Variants in SOCS4 observed in about 807,000 individuals in gnomAD.
SOCS4 encodes the protein suppressor of cytokine signaling 4.
SOCS4 carries 20 observed loss-of-function variants against 34.1 expected under a neutral mutation model. That is an observed-to-expected ratio of 0.59 (90% CI 0.41 to 0.85). SOCS4 has a LOEUF of 0.85. SOCS4 is among the 40% of genes least tolerant of loss of function. The pLI is 0.00. For missense variants in SOCS4, 479 were observed against 532.4 expected, an observed-to-expected ratio of 0.90 and a Z score of 0.99; for synonymous variants, 180 against 186.4, an observed-to-expected ratio of 0.97 and a Z score of 0.28.
In SOCS4 at chr14:55,045,945, G is replaced by A. The variant is rs534624423; in HGVS notation, c.*1581G>A. The stretch of plus-strand genomic sequence containing the variant: ...TTGCAGTTCTGTTAACATGAAAATG[G>A]CATTTTTCCATAATAGCTTTAAAAT... On this transcript the variant is annotated 3_prime_UTR_variant, in exon 3 of 3. Coordinates refer to ENST00000555846, the MANE Select transcript of SOCS4 (RefSeq NM_199421.2). The A allele has an allele frequency of 6.0e-6, 1 of 166,768 alleles. No homozygotes were observed. Among genetic ancestry groups the A allele is most frequent in the Non-Finnish European group, 1.5e-5 (1 of 67,920 alleles). 10.3% of individuals were successfully genotyped at this position (166,768 alleles called of 1,614,324 possible).
At position 55,043,295 on chromosome 14, in the gene SOCS4, G is replaced by A. The variant is rs1276283431; in HGVS notation, c.254G>A (p.Arg85Gln). 3.1e-6 allele frequency: 5 copies of A among 1,614,226 alleles called. No homozygotes were observed. Among genetic ancestry groups the A allele is most frequent in the Non-Finnish European group, 4.2e-6 (5 of 1,180,026 alleles). The change falls in exon 3 of 3, where the codon CGA (arginine) becomes CAA (glutamine). Residue 85 changes from arginine (R) to glutamine (Q), a missense_variant. Coordinates refer to ENST00000555846, the MANE Select transcript of SOCS4 (RefSeq NM_199421.2). ...ELDLDHSCGH[R>Q]FLGRSLKQKL... ...GACTTAGATCATTCCTGTGGGCATCGATTTTTAGGCCGATCTCTTAAACAG... is the reference window on the plus strand; with the variant it reads ...GACTTAGATCATTCCTGTGGGCATCAATTTTTAGGCCGATCTCTTAAACAG...
rs2042688104 is a variant in SOCS4, at chr14:55,047,593, G to T, written c.*3229G>T. ...ATTTATTGATTTGGTGATCAAACCT[G>T]TGCTATTTCCTGAATTTCAGCTAAT... On this transcript the variant is annotated 3_prime_UTR_variant, in exon 3 of 3. Coordinates refer to ENST00000555846, the MANE Select transcript of SOCS4 (RefSeq NM_199421.2). The T allele has an allele frequency of 6.0e-6, 1 of 167,054 alleles. No individual in the cohort carries two copies. 10.3% of individuals were successfully genotyped at this position (167,054 alleles called of 1,614,324 possible).
At position 55,046,477 on chromosome 14, in the gene SOCS4, T is replaced by G. The variant is rs1465177504; in HGVS notation, c.*2113T>G. 1 of 166,528 alleles carries G rather than the reference T, an allele frequency of 6.0e-6. No individual in the cohort carries two copies. Among genetic ancestry groups the G allele is most frequent in the Non-Finnish European group, 1.5e-5 (1 of 67,726 alleles). The allele number at this position is 166,528 out of a possible 1,614,324, so 10.3% of individuals were successfully genotyped here. ...AATATTCTGTTAAGGGGTAGTTTTA[T>G]AAAGAAAAATGATATATAGTTATGT... On this transcript the variant is annotated 3_prime_UTR_variant, in exon 3 of 3. Coordinates refer to ENST00000555846, the MANE Select transcript of SOCS4 (RefSeq NM_199421.2).
Position 55,044,598 on chromosome 14 carries a change from T to C in SOCS4, c.*234T>C. Reference sequence around the variant, plus strand: ...GTGTTTGGTTTTTGTTTTTACCGTGTAGGTTGTATACTTACATTTTTTCTT... The same window carrying C: ...GTGTTTGGTTTTTGTTTTTACCGTGCAGGTTGTATACTTACATTTTTTCTT... On this transcript the variant is annotated 3_prime_UTR_variant, in exon 3 of 3. Coordinates refer to ENST00000555846, the MANE Select transcript of SOCS4 (RefSeq NM_199421.2). 1 of 230,138 alleles carries C rather than the reference T, an allele frequency of 4.3e-6. No homozygotes were observed. The highest frequency in any genetic ancestry group is 9.1e-6 in the Non-Finnish European group (1 of 110,276). The allele number at this position is 230,138 out of a possible 1,614,324, so 14.3% of individuals were successfully genotyped here.
At chr14:55,042,920 A>G (rs2042632210) in intron 2 of SOCS4, 32 bp from the exon 3 acceptor site, 2 of 852,068 alleles carry the variant, frequency 2.3e-6, no homozygotes, top group Non-Finnish European at 3.5e-6. Context: ...GTAGATGACA[A>G]ATGGTTAATG....
At chr14:55,036,725 T>C (rs963687776) in intron 2 of SOCS4, among the ~76,000 whole-genome samples, 3 of 152,214 alleles carry the variant, frequency 2.0e-5, no homozygotes, top group African/African-American at 7.2e-5. Context: ...AATGCCTATA[T>C]TAATCTCTAA....
At chr14:55,039,805 A>G (rs1402922205) in intron 2 of SOCS4, among the ~76,000 whole-genome samples, 1 of 152,238 alleles carries the variant, frequency 6.6e-6, no homozygotes, top group African/African-American at 2.4e-5. Flanking sequence ...CTGAGGCAGG[A>G]GAATGGAGTG....
At position 55,044,076 on chromosome 14, in the gene SOCS4, T is replaced by C. The variant is rs142408053; in HGVS notation, c.1035T>C (p.Asp345=). 9.9e-6 allele frequency: 16 copies of C among 1,614,058 alleles called. No homozygotes were observed. Among genetic ancestry groups the C allele is most frequent in the Non-Finnish European group, 1.4e-5 (16 of 1,180,016 alleles). ...AGTGGAATCACAACTTTAGCTTTGA[T>C]GCACATGACCCCTGTGTCTTCCATT... is the stretch of plus-strand genomic sequence containing the variant. ...IEQWNHNFSF[D]AHDPCVFHSP... Residue 345 remains aspartate (D), a synonymous_variant, in exon 3 of 3, where the codon GAT becomes GAC. Transcript: ENST00000555846.
At chr14:55,039,198 T>C (rs1178292326) in intron 2 of SOCS4, among the ~76,000 whole-genome samples, 2 of 152,326 alleles carry the variant, frequency 1.3e-5, no homozygotes, top group African/African-American at 4.8e-5. Context: ...GGCTCATGCT[T>C]GTAATCCCAG....
At position 55,049,117 on chromosome 14, in the gene SOCS4, T is replaced by G. The variant is rs1272808573; in HGVS notation, c.*4753T>G. Reference sequence around the variant, plus strand: ...TGTTTGCTTAACTTATTTTAAAAGTTGATTACGTTTTCAGAAAATAAAGAT... The same window carrying G: ...TGTTTGCTTAACTTATTTTAAAAGTGGATTACGTTTTCAGAAAATAAAGAT... On this transcript the variant is annotated 3_prime_UTR_variant, in exon 3 of 3. Coordinates refer to ENST00000555846, the MANE Select transcript of SOCS4 (RefSeq NM_199421.2). 6.0e-6 allele frequency: 1 copy of G among 166,802 alleles called. No individual in the cohort carries two copies. Among genetic ancestry groups the G allele is most frequent in the Non-Finnish European group, 1.5e-5 (1 of 68,118 alleles). 10.3% of individuals were successfully genotyped at this position (166,802 alleles called of 1,614,324 possible).
intron 2 of SOCS4, among the ~76,000 whole-genome samples, chr14:55,039,760 G>A (rs950109520): frequency 6.6e-6 from 1 of 152,186 alleles, no homozygotes; most frequent in Non-Finnish European, 1.5e-5. Flanking sequence ...TCCGGGCATG[G>A]TGGTGGGCAC....
intron 2 of SOCS4, among the ~76,000 whole-genome samples, chr14:55,036,322 T>G (rs1002827623): frequency 6.6e-6 from 1 of 152,124 alleles, no homozygotes; most frequent in Non-Finnish European, 1.5e-5. Context: ...GTGCCTGTCC[T>G]TTAGTCCTGG....
intron 2 of SOCS4, among the ~76,000 whole-genome samples, chr14:55,037,245 A>C (rs1490535336): frequency 6.6e-6 from 1 of 151,728 alleles, no homozygotes; most frequent in Non-Finnish European, 1.5e-5. Flanking sequence ...CCCGGGTTCA[A>C]GCAATTCTCC....
At chr14:55,030,085 C>T (rs2042515242) in intron 1 of SOCS4, among the ~76,000 whole-genome samples, 1 of 152,054 alleles carries the variant, frequency 6.6e-6, no homozygotes, top group Admixed American at 6.5e-5. Flanking sequence ...GAAATAGAAC[C>T]CAGGTCTTTC....
chr14:55,036,834 G>A (rs1174272411), intron 2 of SOCS4, among the ~76,000 whole-genome samples: 2 of 151,866 alleles, frequency 1.3e-5, no homozygotes, highest in Non-Finnish European at 2.9e-5. Flanking sequence ...TTTATTTCAG[G>A]CCAGGTGCAG....
In SOCS4 at chr14:55,044,310, T is replaced by C; in HGVS notation, c.1269T>C (p.His423=). Residue 423 remains histidine (H), a synonymous_variant, in exon 3 of 3, where the codon CAT becomes CAC. Coordinates refer to ENST00000555846, the MANE Select transcript of SOCS4 (RefSeq NM_199421.2). ...SSMKLYLKEY[H]YKSKVRVLRI... is the part of the protein sequence containing the mutation. ...TGAAATTATATCTGAAGGAATATCA[T>C]TATAAATCAAAAGTTAGAGTACTCA... 6.2e-7 allele frequency: 1 copy of C among 1,613,600 alleles called. No individual in the cohort carries two copies. The highest frequency in any genetic ancestry group is 1.1e-5 in the South Asian group (1 of 91,058).
chr14:55,032,404 T>TGTCATTGTA (rs1283241825), intron 2 of SOCS4, among the ~76,000 whole-genome samples: 1 of 152,226 alleles, frequency 6.6e-6, no homozygotes, highest in Non-Finnish European at 1.5e-5. Flanking sequence ...TTGTTATTGT[T>TGTCATTGTA]GTCATTGTAA....
At chr14:55,030,494 T>C (rs1261912470) in intron 1 of SOCS4, among the ~76,000 whole-genome samples, 1 of 152,180 alleles carries the variant, frequency 6.6e-6, no homozygotes, top group African/African-American at 2.4e-5. Context: ...GCCTTACATA[T>C]AGCCTTTGTT....
rs187038398 is a variant in SOCS4 at position 55,047,197 on chromosome 14, A to G, written c.*2833A>G. The stretch of plus-strand genomic sequence containing the variant: ...GAATTTAGGCATTACCTCAGGGAAA[A>G]GCCTTGACAGTGAAAAGAAACTACT... On this transcript the variant is annotated 3_prime_UTR_variant, in exon 3 of 3. Transcript: ENST00000555846. 155 of 167,194 alleles carry G rather than the reference A, an allele frequency of 9.3e-4. 1 individual carries two copies. In the Middle Eastern group the frequency reaches 0.024, roughly 26 times the overall value. 10.4% of individuals were successfully genotyped at this position (167,194 alleles called of 1,614,324 possible).
Sources: gnomAD v4.1 joint callset for allele counts (sites outside exome capture counted in the v4.1 genomes callset) on GRCh38, gnomAD v4.1.1 for gene constraint, MANE v1.5 for transcripts, NCBI Gene and HGNC (gene_info 2026-07-23, HGNC 2026-07-21) for gene names.